TSHR: variants seen among roughly 807,000 people sequenced by gnomAD.
TSHR encodes thyrotropin receptor.
A neutral mutation model predicts 64.1 loss-of-function variants in TSHR; 51 were observed. The observed-to-expected ratio is 0.80, with a 90% confidence interval of 0.64 to 1.01. The LOEUF (loss-of-function observed/expected upper bound fraction) is 1.01. Ranked by LOEUF, TSHR falls within the 50% of genes least tolerant of loss-of-function variation. TSHR has a pLI of 0.00. For missense variants in TSHR, 877 were observed against 942.8 expected, an observed-to-expected ratio of 0.93 and a Z score of 0.91; for synonymous variants, 361 against 361.9, an observed-to-expected ratio of 1.00 and a Z score of 0.03.
At chr14:80,990,693 T>C (rs1888683105) in intron 1 of TSHR, among the ~76,000 whole-genome samples, 1 of 152,188 alleles carries the variant, frequency 6.6e-6, no homozygotes, top group Admixed American at 6.5e-5. Context: ...TCGCTCTTGT[T>C]GCCCAGGCTG....
intron 1 of TSHR, chr14:80,993,492 T>C (rs1888851603): frequency 6.6e-6 from 1 of 152,228 alleles, no homozygotes; most frequent in Non-Finnish European, 1.5e-5. Context: ...ATTTAATTCA[T>C]TATATACTCC....
chr14:81,061,951 CA>C (rs1886276029), intron 1 of TSHR, among the ~76,000 whole-genome samples, 196 bp from the exon 2 acceptor site: 1 of 152,056 alleles, frequency 6.6e-6, no homozygotes, highest in East Asian at 1.9e-4. Flanking sequence ...CTGAATCTAA[CA>C]ATTCTTATTG....
At chr14:81,060,792 AT>A (rs1886180561) in intron 1 of TSHR, among the ~76,000 whole-genome samples, 1 of 152,142 alleles carries the variant, frequency 6.6e-6, no homozygotes, top group African/African-American at 2.4e-5. Context: ...AAACAGACAC[AT>A]GGAGAAGCTA....
intron 8 of TSHR, among the ~76,000 whole-genome samples, chr14:81,114,621 A>T (rs964095512): frequency 6.6e-6 from 1 of 152,120 alleles, no homozygotes; most frequent in African/African-American, 2.4e-5. Flanking sequence ...CCACCATTGC[A>T]CAGGCGTGCT....
intron 1 of TSHR, among the ~76,000 whole-genome samples, chr14:81,049,189 A>G (rs1885314738): frequency 6.6e-6 from 1 of 152,186 alleles, no homozygotes; most frequent in Admixed American, 6.5e-5. Context: ...TGGCTCCCAC[A>G]TTGGTCTCAG....
chr14:81,071,762 AAAAT>A (rs34030078), intron 3 of TSHR, among the ~76,000 whole-genome samples: 16 of 152,114 alleles, frequency 1.1e-4, no homozygotes, highest in African/African-American at 3.4e-4. Flanking sequence ...GCTGGTCTCT[AAAAT>A]AAATAAATAA....
At chr14:81,073,022 AT>A (rs1566794449) in intron 3 of TSHR, among the ~76,000 whole-genome samples, 3 of 20,216 alleles carry the variant, frequency 1.5e-4, no homozygotes, top group Admixed American at 8.8e-4. Flanking sequence ...TAAAAAATAA[AT>A]ATATATATAT....
At chr14:81,059,112 C>A (rs1886040542) in intron 1 of TSHR, among the ~76,000 whole-genome samples, 1 of 152,144 alleles carries the variant, frequency 6.6e-6, no homozygotes, top group Non-Finnish European at 1.5e-5. Flanking sequence ...ATTTTCCCCA[C>A]AACCCTTATT....
At chr14:81,092,846 C>A (rs1052429824) in intron 6 of TSHR, among the ~76,000 whole-genome samples, 1 of 152,122 alleles carries the variant, frequency 6.6e-6, no homozygotes, top group Non-Finnish European at 1.5e-5. Flanking sequence ...ACATTTTTCA[C>A]GTGAAGAACC....
intron 1 of TSHR, among the ~76,000 whole-genome samples, chr14:81,035,477 G>C (rs1398974531): frequency 6.6e-6 from 1 of 152,110 alleles, no homozygotes; most frequent in African/African-American, 2.4e-5. Flanking sequence ...GAGCTGCTTG[G>C]CTTTTTCTTC....
chr14:81,112,656 C>T (rs1331013233), intron 8 of TSHR, among the ~76,000 whole-genome samples: 2 of 152,182 alleles, frequency 1.3e-5, no homozygotes, highest in Admixed American at 6.5e-5. Flanking sequence ...ACTTGCTAAG[C>T]TTGGGATTCT....
At chr14:80,971,767 A>G (rs35789224) in intron 1 of TSHR, among the ~76,000 whole-genome samples, 24,976 of 152,228 alleles carry the variant, frequency 0.16, 2,342 homozygotes, top group East Asian at 0.44. Flanking sequence ...CTTGTATCCA[A>G]TGATCTTCAA....
At chr14:80,987,659 C>A (rs1888536313) in intron 1 of TSHR, among the ~76,000 whole-genome samples, 1 of 152,188 alleles carries the variant, frequency 6.6e-6, no homozygotes, top group Non-Finnish European at 1.5e-5. Flanking sequence ...TAGCTTACAT[C>A]GTCAATGCTA....
chr14:81,072,887 C>G (rs1887188613), intron 3 of TSHR, among the ~76,000 whole-genome samples: 1 of 137,892 alleles, frequency 7.3e-6, no homozygotes, highest in South Asian at 2.2e-4. Flanking sequence ...GTCCCAGCTA[C>G]TCGGGAGGCT....
intron 4 of TSHR, 55 bp from the exon 5 acceptor site, chr14:81,091,014 T>A: frequency 6.1e-6 from 9 of 1,463,844 alleles, no homozygotes; most frequent in Non-Finnish European, 8.5e-6. Flanking sequence ...TTCCTATGTG[T>A]TGATTTTTTT....
chr14:81,021,036 G>T (rs1594961170), intron 1 of TSHR, among the ~76,000 whole-genome samples: 1 of 151,870 alleles, frequency 6.6e-6, no homozygotes, highest in Non-Finnish European at 1.5e-5. Flanking sequence ...CAAGCTCGGG[G>T]CTCCCACTGA....
intron 1 of TSHR, among the ~76,000 whole-genome samples, chr14:80,978,768 C>A (rs538357399): frequency 1.3e-5 from 2 of 152,200 alleles, no homozygotes; most frequent in South Asian, 2.1e-4. Flanking sequence ...GCTGCCATAC[C>A]CATTTTCTCT....
intron 1 of TSHR, among the ~76,000 whole-genome samples, chr14:81,005,238 T>C (rs7154878): frequency 0.63 from 77,041 of 122,032 alleles, 22,364 homozygotes; most frequent in East Asian, 0.71. Flanking sequence ...TGTGTGTGTG[T>C]GTGCACGCAC....
chr14:81,050,356 T>A (rs2139865621), intron 1 of TSHR: 1 of 152,328 alleles, frequency 6.6e-6, no homozygotes, highest in African/African-American at 2.4e-5. Context: ...GAACATTTTT[T>A]AAAATGGATT....
Sources: gnomAD v4.1 joint callset for allele counts (sites outside exome capture counted in the v4.1 genomes callset) on GRCh38, gnomAD v4.1.1 for gene constraint, MANE v1.5 for transcripts, NCBI Gene and HGNC (gene_info 2026-07-23, HGNC 2026-07-21) for gene names.